TMEM132D: variants seen among roughly 807,000 people sequenced by gnomAD.
The protein encoded by TMEM132D is transmembrane protein 132D, also known as mature OL transmembrane protein.
TMEM132D carries 21 observed loss-of-function variants against 62.3 expected under a neutral mutation model. The observed-to-expected ratio is 0.34, with a 90% CI of 0.24 to 0.49. The LOEUF (loss-of-function observed/expected upper bound fraction) is 0.49. Ranked by LOEUF, TMEM132D falls within the 20% of genes least tolerant of loss-of-function variation. The pLI, the probability that TMEM132D is intolerant of heterozygous loss-of-function variation, is 0.99. For synonymous variants in TMEM132D, 621 were observed against 575.6 expected (o/e 1.08, Z -1.13); for missense variants, 1,346 against 1,402.8 (o/e 0.96, Z 0.65).
At chr12:129,526,273 C>G (rs1876034070) in intron 3 of TMEM132D, among the ~76,000 whole-genome samples, 1 of 152,032 alleles carries the variant, frequency 6.6e-6, no homozygotes, top group Admixed American at 6.6e-5. Context: ...CTCCCCCAGG[C>G]TGCTCTTTTT....
chr12:129,801,023 C>T (rs139193468), intron 1 of TMEM132D, among the ~76,000 whole-genome samples: 2,529 of 152,280 alleles, frequency 0.017, 63 homozygotes, highest in African/African-American at 0.058. Flanking sequence ...TAAAAAATGG[C>T]GCACCAGGAG....
At chr12:129,733,728 C>G (rs1239237516) in intron 1 of TMEM132D, among the ~76,000 whole-genome samples, 1 of 151,968 alleles carries the variant, frequency 6.6e-6, no homozygotes, top group Non-Finnish European at 1.5e-5. Flanking sequence ...GAAGACAGGT[C>G]GGGAGGCTGT....
At chr12:129,290,474 A>G (rs1881419271) in intron 4 of TMEM132D, among the ~76,000 whole-genome samples, 1 of 152,250 alleles carries the variant, frequency 6.6e-6, no homozygotes, top group Non-Finnish European at 1.5e-5. Context: ...ACACACATGC[A>G]TAGATCTCAA....
intron 5 of TMEM132D, among the ~76,000 whole-genome samples, chr12:129,172,880 C>T (rs1000193158): frequency 1.3e-5 from 2 of 152,086 alleles, no homozygotes; most frequent in African/African-American, 4.8e-5. Flanking sequence ...CCCGGCCTGG[C>T]CTCATTTCAA....
chr12:129,644,864 T>C (rs920207465), intron 2 of TMEM132D, among the ~76,000 whole-genome samples: 12 of 149,640 alleles, frequency 8.0e-5, no homozygotes, highest in African/African-American at 2.9e-4. Context: ...CGGGTGCCTG[T>C]AGTCCCAGCT....
At chr12:129,849,863 T>C (rs560865450) in intron 1 of TMEM132D, among the ~76,000 whole-genome samples, 1 of 152,318 alleles carries the variant, frequency 6.6e-6, no homozygotes, top group South Asian at 2.1e-4. Flanking sequence ...AGCCGAGGTT[T>C]TATCTTGGTG....
At chr12:129,402,836 C>G (rs1188599776) in intron 3 of TMEM132D, among the ~76,000 whole-genome samples, 2 of 143,746 alleles carry the variant, frequency 1.4e-5, no homozygotes, top group Non-Finnish European at 3.0e-5. Flanking sequence ...GGACTGGGTC[C>G]TGGGGTGGGA....
At chr12:129,343,058 C>T (rs1484213245) in intron 3 of TMEM132D, among the ~76,000 whole-genome samples, 3 of 152,312 alleles carry the variant, frequency 2.0e-5, no homozygotes, top group African/African-American at 4.8e-5. Context: ...CCATTTGACC[C>T]AGCCATCCCA....
intron 4 of TMEM132D, among the ~76,000 whole-genome samples, chr12:129,314,695 G>A (rs958618258): frequency 6.6e-6 from 1 of 152,108 alleles, no homozygotes; most frequent in African/African-American, 2.4e-5. Flanking sequence ...CATTGAATTT[G>A]TAGATTGCTT....
intron 2 of TMEM132D, among the ~76,000 whole-genome samples, chr12:129,649,798 G>A (rs562575917): frequency 1.1e-4 from 17 of 150,896 alleles, no homozygotes; most frequent in South Asian, 2.1e-4. Context: ...GTGTGTGTGC[G>A]TATGTGTGTG....
intron 2 of TMEM132D, among the ~76,000 whole-genome samples, chr12:129,659,081 GT>G (rs1393830752): frequency 1.3e-5 from 2 of 151,054 alleles, no homozygotes; most frequent in Non-Finnish European, 3.0e-5. Context: ...TTTTTTTGTT[GT>G]TTGTTTGTTT....
At chr12:129,188,184 C>T (rs1878272600) in intron 5 of TMEM132D, among the ~76,000 whole-genome samples, 1 of 152,190 alleles carries the variant, frequency 6.6e-6, no homozygotes, top group East Asian at 1.9e-4. Context: ...AGACTTGTGT[C>T]AGCCCTGAGA....
At chr12:129,641,294 T>C (rs1482866336) in intron 2 of TMEM132D, among the ~76,000 whole-genome samples, 1 of 152,118 alleles carries the variant, frequency 6.6e-6, no homozygotes, top group East Asian at 1.9e-4. Flanking sequence ...CACTCACGAC[T>C]TGTGTATTCA....
At chr12:129,255,448 C>T (rs2135592651) in intron 4 of TMEM132D, among the ~76,000 whole-genome samples, 1 of 152,286 alleles carries the variant, frequency 6.6e-6, no homozygotes, top group East Asian at 1.9e-4. Flanking sequence ...ATTTCTCTTC[C>T]TCTCATGACT....
At chr12:129,279,516 C>T (rs774758603) in intron 4 of TMEM132D, among the ~76,000 whole-genome samples, 22 of 151,548 alleles carry the variant, frequency 1.5e-4, no homozygotes, top group Admixed American at 3.9e-4. Flanking sequence ...TCTCTAATAG[C>T]GATATTCTTT....
intron 1 of TMEM132D, among the ~76,000 whole-genome samples, chr12:129,760,103 C>T (rs542521246): frequency 2.0e-5 from 3 of 152,130 alleles, no homozygotes; most frequent in South Asian, 4.2e-4. Context: ...GATGGAGTCT[C>T]GCTATGCTTT....
At chr12:129,696,331 C>G (rs1185758492) in intron 2 of TMEM132D, among the ~76,000 whole-genome samples, 1 of 152,234 alleles carries the variant, frequency 6.6e-6, no homozygotes, top group Non-Finnish European at 1.5e-5. Context: ...GCATATGGCA[C>G]TTAACAAATT....
At chr12:129,270,509 G>A (rs1441102114) in intron 4 of TMEM132D, among the ~76,000 whole-genome samples, 2 of 152,168 alleles carry the variant, frequency 1.3e-5, no homozygotes, top group Admixed American at 6.6e-5. Context: ...CCAATGTACC[G>A]TACGTACACA....
intron 5 of TMEM132D, among the ~76,000 whole-genome samples, chr12:129,161,775 G>A (rs1162577574): frequency 6.6e-6 from 1 of 152,202 alleles, no homozygotes; most frequent in Non-Finnish European, 1.5e-5. Flanking sequence ...AAAATATAGT[G>A]TGGGCAGGCA....
Sources: allele counts gnomAD v4.1 joint callset (sites outside exome capture counted in the v4.1 genomes callset), GRCh38; gene constraint gnomAD v4.1.1; transcripts MANE v1.5; gene names NCBI Gene and HGNC (gene_info 2026-07-23, HGNC 2026-07-21).